PDZD2: variants seen among roughly 807,000 people sequenced by gnomAD.
PDZD2 encodes the protein PDZ domain-containing protein 2.
PDZD2 carries 90 observed loss-of-function variants against 220.7 expected under a neutral mutation model. The observed-to-expected ratio is 0.41, with a 90% CI of 0.34 to 0.49. The LOEUF is 0.49. PDZD2 is among the 20% of genes least tolerant of loss of function. The probability of loss-of-function intolerance (pLI) is 0.28; values close to 1 mark genes in which losing one functional copy is unlikely to be tolerated. For synonymous variants in PDZD2, 1,375 were observed against 1,450.5 expected, an observed-to-expected ratio of 0.95 and a Z score of 1.18; for missense variants, 3,174 against 3,608.5, an observed-to-expected ratio of 0.88 and a Z score of 3.08.
rs763956602 is a variant in PDZD2, at chr5:32,072,282, C to T, written c.2690C>T (p.Thr897Met). 1.1e-5 allele frequency: 18 copies of T among 1,613,818 alleles called. No homozygotes were observed. The highest frequency in any genetic ancestry group is 6.7e-5 in the African/African-American group (5 of 74,914). ...DEDHPGSGCS[T>M]SEEGSLPPST... is the part of the protein sequence containing the mutation. Reference sequence around the variant, plus strand: ...GATCACCCGGGAAGTGGCTGCAGCACGTCGGAGGAGGGCAGCCTGCCTCCC... The same window carrying T: ...GATCACCCGGGAAGTGGCTGCAGCATGTCGGAGGAGGGCAGCCTGCCTCCC... Residue 897 changes from threonine to methionine, a missense_variant, in exon 17 of 25, where the codon ACG becomes ATG. Coordinates refer to ENST00000438447, the MANE Select transcript of PDZD2 (RefSeq NM_178140.4).
At chr5:32,056,788 C>A (rs898241585) in intron 10 of PDZD2, among the ~76,000 whole-genome samples, 9 of 152,152 alleles carry the variant, frequency 5.9e-5, no homozygotes, top group African/African-American at 2.2e-4. Flanking sequence ...CCTGGAACTG[C>A]ATCAGCAAGA....
rs1177181216 is a variant in PDZD2 at position 31,730,581 on chromosome 5, T to TG, written c.-360-68307dup. 3.2e-3 allele frequency among the ~76,000 whole-genome samples: 369 copies of TG among 115,036 alleles called. 3 individuals carry two copies. Among genetic ancestry groups the TG allele is most frequent in the African/African-American group, 0.012 (357 of 29,714 alleles). 75.5% of individuals were successfully genotyped at this position (115,036 alleles called of 152,430 possible). ...GTGTGTGTGTGTGTGTGTGTGTGTG[T>TG]GTGTGTGTGTGGTGTGTGTGTGTGT... On this transcript the variant is annotated intron_variant, in intron 1 of 24. Transcript: ENST00000438447.
At chr5:31,847,297 T>A (rs1374616982) in intron 2 of PDZD2, 2 of 321,146 alleles carry the variant, frequency 6.2e-6, no homozygotes, top group Non-Finnish European at 1.2e-5. Context: ...TTGTCAGGAA[T>A]AAGGCCTACT....
At chr5:31,808,425 A>G (rs1422115249) in intron 2 of PDZD2, among the ~76,000 whole-genome samples, 1 of 152,194 alleles carries the variant, frequency 6.6e-6, no homozygotes, top group Non-Finnish European at 1.5e-5. Flanking sequence ...AGTGTAAGTG[A>G]AGCATTACGG....
Position 32,108,181 on chromosome 5 carries a change from ATCAGAG to A in PDZD2, c.*48_*53del. ...CTCAGTTCTCTTCTTTCTTTAGCAA[ATCAGAG>A]TGACTTCTTTAAACCACAGGTTGTT... On this transcript the variant is annotated 3_prime_UTR_variant, in exon 25 of 25. Transcript: ENST00000438447. 1 of 1,385,424 alleles carries A rather than the reference ATCAGAG, an allele frequency of 7.2e-7. No homozygotes were observed. Among genetic ancestry groups the A allele is most frequent in the Non-Finnish European group, 1.0e-6 (1 of 994,370 alleles). 85.8% of individuals were successfully genotyped at this position (1,385,424 alleles called of 1,614,324 possible).
chr5:31,994,247 T>TC (rs1006323527), intron 3 of PDZD2, among the ~76,000 whole-genome samples: 6 of 151,844 alleles, frequency 4.0e-5, no homozygotes, highest in Admixed American at 3.3e-4. Flanking sequence ...CCTCTGGTGA[T>TC]CCCCCCACCT....
intron 1 of PDZD2, among the ~76,000 whole-genome samples, chr5:31,764,489 C>T (rs1751865562): frequency 6.6e-6 from 1 of 152,140 alleles, no homozygotes; most frequent in African/African-American, 2.4e-5. Flanking sequence ...CCCCTCCTGC[C>T]CTCCTGTACA....
intron 1 of PDZD2, among the ~76,000 whole-genome samples, chr5:31,663,539 C>A (rs1396190939): frequency 6.6e-6 from 1 of 152,128 alleles, no homozygotes; most frequent in African/African-American, 2.4e-5. Flanking sequence ...AAGAAGCGTG[C>A]CTTCTCTGTG....
intron 10 of PDZD2, among the ~76,000 whole-genome samples, chr5:32,054,675 C>T (rs1179688997): frequency 1.3e-5 from 2 of 151,902 alleles, no homozygotes; most frequent in East Asian, 1.9e-4. Flanking sequence ...TTGCCATATG[C>T]GAATATACTA....
At chr5:31,995,230 GC>G (rs1193379767) in intron 3 of PDZD2, among the ~76,000 whole-genome samples, 1 of 152,170 alleles carries the variant, frequency 6.6e-6, no homozygotes, top group East Asian at 1.9e-4. Flanking sequence ...ATAGTCATTA[GC>G]CACAGGTGGC....
intron 2 of PDZD2, among the ~76,000 whole-genome samples, chr5:31,959,286 A>G (rs1051404087): frequency 6.7e-6 from 1 of 148,152 alleles, no homozygotes; most frequent in South Asian, 2.1e-4. Flanking sequence ...TTAACTTAAA[A>G]TGACTTTGTT....
intron 14 of PDZD2, among the ~76,000 whole-genome samples, chr5:32,067,652 A>C (rs1740338675): frequency 6.6e-6 from 1 of 152,214 alleles, no homozygotes; most frequent in African/African-American, 2.4e-5. Flanking sequence ...ATTTTAGTAC[A>C]TAAAATTACC....
chr5:32,002,490 A>T (rs1752212781), intron 5 of PDZD2, among the ~76,000 whole-genome samples: 1 of 152,026 alleles, frequency 6.6e-6, no homozygotes, highest in Non-Finnish European at 1.5e-5. Context: ...CAAGGAGGGA[A>T]ATGCTGCAAG....
intron 2 of PDZD2, among the ~76,000 whole-genome samples, chr5:31,906,146 C>T (rs1456378857): frequency 6.8e-6 from 1 of 147,370 alleles, no homozygotes; most frequent in Non-Finnish European, 1.5e-5. Context: ...CTCAGCCTCC[C>T]GAGTAGCTGG....
intron 2 of PDZD2, among the ~76,000 whole-genome samples, chr5:31,902,913 C>T (rs1742230022): frequency 6.6e-6 from 1 of 151,114 alleles, no homozygotes; most frequent in South Asian, 2.1e-4. Context: ...TATTTCTTTG[C>T]ATGTCAATTT....
At chr5:31,791,815 C>T (rs1753747826) in intron 1 of PDZD2, among the ~76,000 whole-genome samples, 2 of 152,172 alleles carry the variant, frequency 1.3e-5, no homozygotes, top group Non-Finnish European at 2.9e-5. Context: ...CCTGACCCCT[C>T]CTGCTCATCC....
chr5:32,074,391 C>G lies in PDZD2; in HGVS notation c.3285C>G (p.Thr1095=). 1 of 1,614,178 alleles carries G rather than the reference C, an allele frequency of 6.2e-7. No individual in the cohort carries two copies. Among genetic ancestry groups the G allele is most frequent in the Non-Finnish European group, 8.5e-7 (1 of 1,180,014 alleles). Residue 1095 remains threonine, a synonymous_variant, in exon 18 of 25, where the codon ACC becomes ACG. Transcript: ENST00000438447. Reference sequence around the variant, plus strand: ...TGGAATACACAGTCCGTACAGACACCCAGAGTCCGACGAACACTGGGAGCC... The same window carrying G: ...TGGAATACACAGTCCGTACAGACACGCAGAGTCCGACGAACACTGGGAGCC... ...PKLEYTVRTD[T]QSPTNTGSPS... is the part of the protein sequence containing the mutation.
chr5:31,675,296 T>C (rs1746365826), intron 1 of PDZD2, among the ~76,000 whole-genome samples: 1 of 152,076 alleles, frequency 6.6e-6, no homozygotes, highest in African/African-American at 2.4e-5. Context: ...TTCTCCCCGC[T>C]CCCACCCATT....
chr5:31,780,165 G>T (rs1014388079), intron 1 of PDZD2, among the ~76,000 whole-genome samples: 1 of 152,148 alleles, frequency 6.6e-6, no homozygotes, highest in African/African-American at 2.4e-5. Context: ...CAGAGTGGGA[G>T]TTCTACCCTT....
Sources: allele counts gnomAD v4.1 joint callset (sites outside exome capture counted in the v4.1 genomes callset), GRCh38; gene constraint gnomAD v4.1.1; transcripts MANE v1.5; gene names NCBI Gene and HGNC (gene_info 2026-07-23, HGNC 2026-07-21).